FSIP2: variants seen among roughly 807,000 people sequenced by gnomAD.
The protein encoded by FSIP2 is fibrous sheath interacting protein 2.
A neutral mutation model predicts 510.5 loss-of-function variants in FSIP2; 367 were observed. The observed-to-expected ratio is 0.72, with a 90% CI of 0.66 to 0.78. FSIP2 has a LOEUF of 0.78. Ranked by LOEUF, FSIP2 falls within the 30% of genes least tolerant of loss-of-function variation. The pLI, the probability that FSIP2 is intolerant of heterozygous loss-of-function variation, is 0.00. For missense variants in FSIP2, 7,594 were observed against 7,901.7 expected, an observed-to-expected ratio of 0.96 and a Z score of 1.48; for synonymous variants, 2,601 against 2,732.2, an observed-to-expected ratio of 0.95 and a Z score of 1.50.
chr2:185,763,055 A>T, intron 11 of FSIP2, 128 bp from the exon 12 acceptor site: 1 of 578,524 alleles, frequency 1.7e-6, no homozygotes, highest in South Asian at 2.2e-5. Context: ...TAAATCCCTG[A>T]TTGTGGCAAT....
In FSIP2 at chr2:185,754,344, G is replaced by T. The variant is rs981013218; in HGVS notation, c.991+502G>T. Among the ~76,000 whole-genome samples the T allele has an allele frequency of 4.6e-5, 7 of 151,316 alleles. No homozygotes were observed. The South Asian group carries it at 6.2e-4, about 13-fold the overall frequency. On this transcript the variant is annotated intron_variant, in intron 8 of 22. Coordinates refer to ENST00000424728, the MANE Select transcript of FSIP2 (RefSeq NM_173651.4). ...ATTATAAAATTACAATGGGTTTTTC[G>T]CTTCGATATTAGATAAAATTTCATG...
Position 185,806,563 on chromosome 2 carries a change from GA to G in FSIP2, c.17262del (p.Glu5755ArgfsTer3). 6.2e-7 allele frequency: 1 copy of G among 1,603,554 alleles called. No individual in the cohort carries two copies. The highest frequency in any genetic ancestry group is 8.5e-7 in the Non-Finnish European group (1 of 1,176,804). ...CAAAGAAAAAGAAGAGGAAGAGAGA[GA>G]AAAAGAGAAAGTAAGAGAGGAGATT... ...SAKEKEEEEREKEKVREEIKS... is the reference protein window; with the variant it reads ...SAKEKEEEERXKEKVREEIKS... On this transcript the variant is annotated frameshift_variant, in exon 17 of 23. Coordinates refer to ENST00000424728, the MANE Select transcript of FSIP2 (RefSeq NM_173651.4). LOFTEE classifies it high-confidence loss of function.
rs1427853418 is a variant in FSIP2, at chr2:185,804,617, A to G, written c.15311A>G (p.His5104Arg). The G allele has an allele frequency of 2.6e-6, 4 of 1,533,264 alleles. No individual in the cohort carries two copies. The Admixed American group carries it at 7.9e-5, about 30-fold the overall frequency. The allele number at this position is 1,533,264 out of a possible 1,614,324, so 95.0% of individuals were successfully genotyped here. A position where few individuals can be genotyped will look rare whatever the true frequency, so the allele number is the denominator to read the frequency against. ...NVLNIITKDS[H>R]ALPPYITVLP... ...CTTAACATAATCACAAAGGATAGCC[A>G]TGCCTTGCCACCATATATTACTGTG... The change falls in exon 17 of 23, where the codon CAT becomes CGT. Residue 5104 changes from histidine (H) to arginine (R), a missense_variant. His to Arg is a conservative substitution (Grantham distance 29). Coordinates refer to ENST00000424728, the MANE Select transcript of FSIP2 (RefSeq NM_173651.4).
rs76913717 is a variant in FSIP2 at position 185,786,926 on chromosome 2, A to C, written c.1506+638A>C. 6.9e-3 allele frequency among the ~76,000 whole-genome samples: 1,048 copies of C among 151,968 alleles called. 17 individuals carry two copies. Among genetic ancestry groups the C allele is most frequent in the African/African-American group, 0.024 (1,014 of 41,514 alleles). ...GGAATTTTTTTCAGCTTAATGTTGT[A>C]ATAGAAAGCAATTAAAAACTAGGAT... On this transcript the variant is annotated intron_variant, in intron 15 of 22. Transcript: ENST00000424728.
At position 185,802,446 on chromosome 2, in the gene FSIP2, T is replaced by A. The variant is rs1426354405; in HGVS notation, c.13140T>A (p.Asn4380Lys). ...VDELATSVYR[N>K]ALKQHGLDLA... The stretch of plus-strand genomic sequence containing the variant: ...AACTTGCCACCTCAGTTTATAGAAA[T>A]GCTTTAAAGCAGCATGGGCTAGACC... Residue 4380 changes from asparagine (N) to lysine (K), a missense_variant, in exon 17 of 23, where the codon AAT (asparagine) becomes AAA (lysine). By Grantham distance (94) the Asn-to-Lys change is moderately conservative. Transcript: ENST00000424728. 1 of 1,534,052 alleles carries A rather than the reference T, an allele frequency of 6.5e-7. No individual in the cohort carries two copies. Among genetic ancestry groups the A allele is most frequent in the East Asian group, 2.4e-5 (1 of 40,838 alleles).
chr2:185,775,502 C>A (rs944179687), intron 13 of FSIP2, among the ~76,000 whole-genome samples: 25 of 151,272 alleles, frequency 1.7e-4, no homozygotes, highest in African/African-American at 5.3e-4. Context: ...GAGTAGGTTG[C>A]GAAAATTTTC....
At chr2:185,760,642 A>C (rs1692331522) in intron 9 of FSIP2, among the ~76,000 whole-genome samples, 1 of 150,584 alleles carries the variant, frequency 6.6e-6, no homozygotes, top group South Asian at 2.1e-4. Flanking sequence ...TCAGAAATGA[A>C]AAAGAAAAGC....
intron 21 of FSIP2, among the ~76,000 whole-genome samples, chr2:185,828,402 T>C (rs1411995372): frequency 6.6e-6 from 1 of 151,804 alleles, no homozygotes; most frequent in South Asian, 2.1e-4. Flanking sequence ...ACAAAATCCT[T>C]TGGGTTAAGT....
rs780000174 is a variant in FSIP2 at position 185,807,067 on chromosome 2, G to A, written c.17761G>A (p.Val5921Ile). 2.3e-5 allele frequency: 37 copies of A among 1,590,724 alleles called. No individual in the cohort carries two copies. The South Asian group carries it at 3.9e-4, about 17-fold the overall frequency. ...TLVNKVVHSS[V>I]CNILNDYGSQ... Reference sequence around the variant, plus strand: ...GGTCAATAAAGTTGTTCACTCCTCTGTTTGTAATATTTTAAATGACTATGG... The same window carrying A: ...GGTCAATAAAGTTGTTCACTCCTCTATTTGTAATATTTTAAATGACTATGG... Residue 5921 changes from valine (V) to isoleucine (I), a missense_variant, in exon 17 of 23, where the codon GTT becomes ATT. By Grantham distance (29) the Val-to-Ile change is conservative (BLOSUM62 3). Coordinates refer to ENST00000424728, the MANE Select transcript of FSIP2 (RefSeq NM_173651.4).
chr2:185,759,086 T>C (rs541993010), intron 9 of FSIP2, among the ~76,000 whole-genome samples: 2 of 151,256 alleles, frequency 1.3e-5, no homozygotes, highest in Non-Finnish European at 3.0e-5. Context: ...GCAGTGGTGA[T>C]TGTGTACATC....
intron 13 of FSIP2, 56 bp downstream of exon 13, chr2:185,764,621 T>A: frequency 8.3e-7 from 1 of 1,207,758 alleles, no homozygotes; most frequent in South Asian, 1.3e-5. Context: ...TTCTTTCAAC[T>A]GACATTTACT....
At chr2:185,772,252 C>A (rs1692619608) in intron 13 of FSIP2, among the ~76,000 whole-genome samples, 1 of 152,178 alleles carries the variant, frequency 6.6e-6, no homozygotes, top group African/African-American at 2.4e-5. Flanking sequence ...CTTTTCTTAT[C>A]TCTCTCCATT....
Position 185,796,018 on chromosome 2 carries a change from CA to C in FSIP2, c.8885del (p.Asn2962ThrfsTer32). On this transcript the variant is annotated frameshift_variant, in exon 16 of 23. Coordinates refer to ENST00000424728, the MANE Select transcript of FSIP2 (RefSeq NM_173651.4). LOFTEE classifies it high-confidence loss of function. ...ACTGCTAAAAGTAAATATGGTTTTC[CA>C]AACAAGCATAGCCTCAGCAGTTTAC... ...HITAKSKYGF[P>X]NKHSLSSLPI... 6.5e-7 allele frequency: 1 copy of C among 1,533,682 alleles called. No homozygotes were observed. The highest frequency in any genetic ancestry group is 1.2e-5 in the South Asian group (1 of 83,622).
chr2:185,748,361 C>G (rs932476601), intron 7 of FSIP2, among the ~76,000 whole-genome samples: 1 of 151,296 alleles, frequency 6.6e-6, no homozygotes, highest in African/African-American at 2.4e-5. Context: ...AGGCTGGTCT[C>G]AAACTCCTGA....
intron 19 of FSIP2, among the ~76,000 whole-genome samples, chr2:185,820,970 A>G (rs1475979634): frequency 6.6e-6 from 1 of 150,466 alleles, no homozygotes; most frequent in Non-Finnish European, 1.5e-5. Context: ...AGAGAATAAA[A>G]ACAGTAGAGA....
chr2:185,747,724 A>T (rs939367173), intron 7 of FSIP2, among the ~76,000 whole-genome samples: 90 of 152,070 alleles, frequency 5.9e-4, no homozygotes, highest in African/African-American at 2.1e-3. Context: ...TCTTTGTCAG[A>T]TTTCTCAATT....
At chr2:185,756,995 T>C (rs7587685) in intron 9 of FSIP2, among the ~76,000 whole-genome samples, 82,201 of 150,988 alleles carry the variant, frequency 0.54, 22,630 homozygotes, top group South Asian at 0.64. Flanking sequence ...GCCTAGGATG[T>C]CTTTCTGCCT....
rs1417921479 is a variant in FSIP2, at chr2:185,790,499, A to G, written c.3363A>G (p.Ile1121Met). The part of the protein sequence containing the change: ...TSILKEMLKD[I>M]SSVPFGHLDS... ...TTTTAAAGGAAATGCTCAAGGACATATCTTCCGTTCCTTTTGGTCACTTAG... is the reference window on the plus strand; with the variant it reads ...TTTTAAAGGAAATGCTCAAGGACATGTCTTCCGTTCCTTTTGGTCACTTAG... Residue 1121 changes from isoleucine (I) to methionine (M), a missense_variant, in exon 16 of 23, where the codon ATA becomes ATG. Physicochemically the swap from Ile to Met is conservative, Grantham distance 10. Transcript: ENST00000424728. The G allele has an allele frequency of 2.6e-6, 4 of 1,534,248 alleles. No individual in the cohort carries two copies. The highest frequency in any genetic ancestry group is 3.5e-6 in the Non-Finnish European group (4 of 1,145,642).
At position 185,794,777 on chromosome 2, in the gene FSIP2, G is replaced by A; in HGVS notation, c.7641G>A (p.Leu2547=). Residue 2547 remains leucine (L), a synonymous_variant, in exon 16 of 23, where the codon TTG becomes TTA. Coordinates refer to ENST00000424728, the MANE Select transcript of FSIP2 (RefSeq NM_173651.4). Reference sequence around the variant, plus strand: ...CAAATGACATAGTTGAAAGTGTTTTGGGGAAAATGTACTTGGTAGTTGTGA... The same window carrying A: ...CAAATGACATAGTTGAAAGTGTTTTAGGGAAAATGTACTTGGTAGTTGTGA... The part of the protein sequence containing the change: ...SVANDIVESV[L]GKMYLVVVTS... The A allele has an allele frequency of 6.5e-7, 1 of 1,534,138 alleles. No individual in the cohort carries two copies. Among genetic ancestry groups the A allele is most frequent in the Admixed American group, 2.0e-5 (1 of 50,868 alleles).
Sources: allele counts gnomAD v4.1 joint callset (sites outside exome capture counted in the v4.1 genomes callset), GRCh38; gene constraint gnomAD v4.1.1; transcripts MANE v1.5; gene names NCBI Gene and HGNC (gene_info 2026-07-23, HGNC 2026-07-21).